Variants in ANKRD36C observed in about 807,000 individuals in gnomAD.
ANKRD36C encodes ankyrin repeat domain-containing protein 36C.
A neutral mutation model predicts 276.4 loss-of-function variants in ANKRD36C; 61 were observed. The ratio of observed to expected loss-of-function variants is 0.22; its 90% confidence interval spans 0.18 to 0.27. ANKRD36C has a LOEUF of 0.27. Ranked by LOEUF, ANKRD36C falls within the 10% of genes least tolerant of loss-of-function variation. ANKRD36C has a pLI of 1.00. For synonymous variants in ANKRD36C, 483 were observed against 680.1 expected (o/e 0.71, Z 4.51); for missense variants, 1,447 against 2,032.3 (o/e 0.71, Z 5.54).
intron 6 of ANKRD36C, among the ~76,000 whole-genome samples, chr2:95,967,139 C>T (rs1011558103): frequency 1.1e-4 from 17 of 152,206 alleles, no homozygotes; most frequent in African/African-American, 3.4e-4. Flanking sequence ...ATTTGAATAC[C>T]GTTTATTTCT....
rs1242909324 is a variant in ANKRD36C at position 95,859,833 on chromosome 2, C to A, written c.3896+28G>T. On this transcript the variant is annotated intron_variant, in intron 61 of 66. Coordinates refer to ENST00000456556, the Ensembl canonical transcript of ANKRD36C. Reference sequence around the variant, plus strand: ...CGTCTTTAATATAAAACAAACAGTTCAAACATTTATTTAAAACTAGGTCAT... The same window carrying A: ...CGTCTTTAATATAAAACAAACAGTTAAAACATTTATTTAAAACTAGGTCAT... 3.9e-6 allele frequency: 6 copies of A among 1,546,386 alleles called. No individual in the cohort carries two copies. The Admixed American group carries it at 1.2e-4, about 30-fold the overall frequency.
intron 19 of ANKRD36C, among the ~76,000 whole-genome samples, 167 bp from the exon 20 acceptor site, chr2:95,941,366 G>GAAACATAA (rs1677886422): frequency 6.9e-6 from 1 of 145,136 alleles, no homozygotes; most frequent in South Asian, 2.2e-4. Context: ...AGTGAAAAAA[G>GAAACATAA]AAACATAAAA....
intron 6 of ANKRD36C, among the ~76,000 whole-genome samples, chr2:95,966,871 C>T (rs1204936296): frequency 6.6e-6 from 1 of 152,020 alleles, no homozygotes. Flanking sequence ...TTAAAGAGGT[C>T]CTTCAAATCC....
chr2:95,958,328 C>T (rs1239730202), intron 12 of ANKRD36C, among the ~76,000 whole-genome samples: 2 of 151,954 alleles, frequency 1.3e-5, no homozygotes, highest in African/African-American at 4.8e-5. Flanking sequence ...TATGCTGTCC[C>T]CTCAGCCTGT....
At chr2:95,980,607 T>C (rs1336239693) in intron 5 of ANKRD36C, 41 bp downstream of exon 5, 21 of 1,588,410 alleles carry the variant, frequency 1.3e-5, no homozygotes, top group Non-Finnish European at 1.7e-5. Context: ...TATTTTAAAC[T>C]TCAATTTAGT....
intron 42 of ANKRD36C, among the ~76,000 whole-genome samples, chr2:95,912,000 T>G: frequency 6.6e-6 from 1 of 151,614 alleles, no homozygotes. Context: ...GAGCCCCTTA[T>G]GTCTTCAACT....
intron 38 of ANKRD36C, 63 bp downstream of exon 40, chr2:95,915,917 A>G: frequency 1.3e-6 from 2 of 1,520,666 alleles, no homozygotes; most frequent in South Asian, 2.4e-5. Context: ...CCACTGATTT[A>G]TTCGGGGAAG....
chr2:95,972,645 T>G (rs182186622), intron 6 of ANKRD36C, among the ~76,000 whole-genome samples: 1 of 152,296 alleles, frequency 6.6e-6, no homozygotes, highest in Non-Finnish European at 1.5e-5. Flanking sequence ...ATGAAATTAG[T>G]TTTCTTTAAG....
chr2:95,916,033 T>C lies in ANKRD36C; in HGVS notation c.2396A>G (p.Asp799Gly), dbSNP rs551112160. The stretch of plus-strand genomic sequence containing the variant: ...TTCTCTGGTTATATTCGAAAAAGAA[T>C]CTTTCTCATCACTTGTAGCCTGAAT... Residue 799 changes from aspartate to glycine, a missense_variant, in exon 38 of 67, where the codon GAT (aspartate) becomes GGT (glycine). This residue lies in a region of ANKRD36C where 565 missense variants were observed against 539.5 expected (regional missense o/e 1.05). Transcript: ENST00000456556. The C allele has an allele frequency of 2.2e-5, 35 of 1,575,288 alleles. No homozygotes were observed. In the East Asian group the frequency reaches 7.9e-4, roughly 36 times the overall value.
At chr2:95,912,957 T>C (rs1329619913) in intron 40 of ANKRD36C, among the ~76,000 whole-genome samples, 1 of 151,224 alleles carries the variant, frequency 6.6e-6, no homozygotes, top group East Asian at 2.0e-4. Flanking sequence ...GTGTCCTGAA[T>C]TGATCACCTT....
At chr2:95,924,148 C>T (rs1573771176) in intron 30 of ANKRD36C, among the ~76,000 whole-genome samples, 1 of 151,766 alleles carries the variant, frequency 6.6e-6, no homozygotes, top group East Asian at 2.0e-4. Context: ...TACACAATTA[C>T]AATGACACTT....
exon 27 of ANKRD36C, chr2:95,927,406 G>C (rs769909265): frequency 3.7e-6 from 6 of 1,605,890 alleles, no homozygotes; most frequent in Non-Finnish European, 5.1e-6. Context: ...TTTCTGAGAA[G>C]ACACTGAAAA....
chr2:95,855,378 T>G, exon 63 of ANKRD36C: 1 of 1,613,474 alleles, frequency 6.2e-7, no homozygotes, highest in Non-Finnish European at 8.5e-7. Flanking sequence ...CTTTCTGCAC[T>G]CAGCTTGAAG....
At chr2:95,976,914 T>C (rs1304325311) in intron 6 of ANKRD36C, among the ~76,000 whole-genome samples, 2 of 152,036 alleles carry the variant, frequency 1.3e-5, no homozygotes, top group Non-Finnish European at 2.9e-5. Context: ...CTCTAGCCAC[T>C]GCTCATTCTC....
At chr2:95,908,894 G>C (rs545869185) in intron 42 of ANKRD36C, among the ~76,000 whole-genome samples, 197 bp from the exon 47 acceptor site, 229 of 151,314 alleles carry the variant, frequency 1.5e-3, no homozygotes, top group African/African-American at 5.2e-3. Context: ...ACGAAATATA[G>C]TCTTAGAATT....
At chr2:95,911,160 G>A (rs999738167) in intron 42 of ANKRD36C, among the ~76,000 whole-genome samples, 15 of 151,446 alleles carry the variant, frequency 9.9e-5, no homozygotes, top group Non-Finnish European at 1.8e-4. Flanking sequence ...CCCATGTGGT[G>A]TAATACTTTG....
At chr2:95,852,051 A>G in intron 65 of ANKRD36C, 75 bp downstream of exon 85, 3 of 1,450,934 alleles carry the variant, frequency 2.1e-6, no homozygotes, top group Non-Finnish European at 2.9e-6. Flanking sequence ...ATCATAACTG[A>G]TACAATTTTC....
chr2:95,950,579 C>G (rs1311066328), intron 16 of ANKRD36C, among the ~76,000 whole-genome samples, 170 bp downstream of exon 16: 21 of 122,074 alleles, frequency 1.7e-4, no homozygotes, highest in South Asian at 5.8e-4. Flanking sequence ...AGTAAAAAAG[C>G]AATAATAGCA....
At chr2:95,937,028 C>G (rs368402378) in intron 22 of ANKRD36C, among the ~76,000 whole-genome samples, 55 of 143,066 alleles carry the variant, frequency 3.8e-4, no homozygotes, top group African/African-American at 1.4e-3. Flanking sequence ...TTATCAAAGA[C>G]TCAGCAAACT....
Sources: gnomAD v4.1 joint callset for allele counts (sites outside exome capture counted in the v4.1 genomes callset) on GRCh38, gnomAD v4.1.1 for gene constraint, gnomAD v4.1.1 regional missense constraint, MANE v1.5 for transcripts, NCBI Gene and HGNC (gene_info 2026-07-23, HGNC 2026-07-21) for gene names.